DCP2: variants seen among roughly 807,000 people sequenced by gnomAD.
DCP2 encodes m7GpppN-mRNA hydrolase.
DCP2 carries 30 observed loss-of-function variants against 56.1 expected under a neutral mutation model. The observed-to-expected ratio is 0.53, with a 90% CI of 0.40 to 0.73. DCP2 has a LOEUF of 0.73. Ranked by LOEUF, DCP2 falls within the 30% of genes least tolerant of loss-of-function variation. The probability of loss-of-function intolerance (pLI) is 0.00; values close to 1 mark genes in which losing one functional copy is unlikely to be tolerated. For missense variants in DCP2, 533 were observed against 502.7 expected, an observed-to-expected ratio of 1.06 and a Z score of -0.58; for synonymous variants, 197 against 163.3, an observed-to-expected ratio of 1.21 and a Z score of -1.57.
rs1471699184 is a variant in DCP2 at position 112,985,688 on chromosome 5, T to G, written c.54-147T>G. 3.9e-6 allele frequency: 3 copies of G among 766,146 alleles called. No individual in the cohort carries two copies. The East Asian group carries it at 8.0e-5, about 21-fold the overall frequency. 47.5% of individuals were successfully genotyped at this position (766,146 alleles called of 1,614,324 possible). ...TAAGACTCATCTTCCCTATAGTATTTCTCTCAAATATTAATTGCTTCCTTG... is the reference window on the plus strand; with the variant it reads ...TAAGACTCATCTTCCCTATAGTATTGCTCTCAAATATTAATTGCTTCCTTG... On this transcript the variant is annotated intron_variant, in intron 1 of 10. Transcript: ENST00000389063.
chr5:113,003,681 AATT>A (rs1387260388), intron 7 of DCP2, among the ~76,000 whole-genome samples: 1 of 150,326 alleles, frequency 6.7e-6, no homozygotes, highest in Admixed American at 6.6e-5. Context: ...TGGCCTGGAT[AATT>A]TTTTTAAGTC....
rs547807755 is a variant in DCP2, at chr5:112,980,879, A to G, written c.53+3893A>G. On this transcript the variant is annotated intron_variant, in intron 1 of 10. Transcript: ENST00000389063. ...CTTGTGCCAGTTTCTTGTTTTATCA[A>G]CTTTCTATATTGAATTGAGGATTTG... Among the ~76,000 whole-genome samples the G allele has an allele frequency of 2.8e-4, 43 of 151,928 alleles. 1 individual carries two copies. The South Asian group carries it at 8.3e-3, about 29-fold the overall frequency.
rs766899009 is a variant in DCP2, at chr5:113,013,498, A to T, written c.*14A>T. The T allele has an allele frequency of 1.2e-6, 2 of 1,613,428 alleles. No homozygotes were observed. The highest frequency in any genetic ancestry group is 3.3e-5 in the Admixed American group (2 of 59,980). ...TTGGACCTTTGATAGCAGCACATGT[A>T]TTGTAAATGTCCCAGGATCAGAGAC... On this transcript the variant is annotated 3_prime_UTR_variant, in exon 11 of 11. Transcript: ENST00000389063.
At chr5:112,997,206 G>A (rs895234293) in intron 4 of DCP2, among the ~76,000 whole-genome samples, 1 of 152,156 alleles carries the variant, frequency 6.6e-6, no homozygotes, top group Non-Finnish European at 1.5e-5. Context: ...GGTCTGTTGG[G>A]GCCTAGTGTG....
intron 1 of DCP2, among the ~76,000 whole-genome samples, chr5:112,981,244 A>C (rs550566879): frequency 1.3e-4 from 20 of 152,162 alleles, no homozygotes; most frequent in Non-Finnish European, 1.6e-4. Context: ...TTGTAGCCTC[A>C]AGCAATCCTC....
chr5:113,003,776 T>G (rs150012519), intron 7 of DCP2, among the ~76,000 whole-genome samples, 166 bp from the exon 8 acceptor site: 1 of 152,342 alleles, frequency 6.6e-6, no homozygotes, highest in Non-Finnish European at 1.5e-5. Context: ...GTGATGAGGA[T>G]AAAGCAGTGC....
intron 4 of DCP2, among the ~76,000 whole-genome samples, chr5:112,999,363 T>C: frequency 6.6e-6 from 1 of 152,110 alleles, no homozygotes; most frequent in African/African-American, 2.4e-5. Context: ...GTTTCGCTCT[T>C]GTTGCCCAGG....
rs1750012865 is a variant in DCP2, at chr5:113,019,275, TAGAA to T, written c.*5795_*5798del. ...AAGGTTCTCAACTGTGAATGAAATT[TAGAA>T]AGATAATTCTTCAGCAGTTGGTTGA... On this transcript the variant is annotated 3_prime_UTR_variant, in exon 11 of 11. Transcript: ENST00000389063. 1 of 152,236 alleles carries T rather than the reference TAGAA, an allele frequency of 6.6e-6. No individual in the cohort carries two copies. The highest frequency in any genetic ancestry group is 1.5e-5 in the Non-Finnish European group (1 of 68,046). The allele number at this position is 152,236 out of a possible 1,614,324, so 9.4% of individuals were successfully genotyped here.
chr5:112,986,895 C>T (rs1270922574), intron 2 of DCP2, among the ~76,000 whole-genome samples: 5 of 152,164 alleles, frequency 3.3e-5, no homozygotes, highest in Admixed American at 2.0e-4. Flanking sequence ...CCCATCTGCT[C>T]GGGAGGCTGA....
At chr5:112,981,821 G>C (rs1392500047) in intron 1 of DCP2, among the ~76,000 whole-genome samples, 1 of 152,156 alleles carries the variant, frequency 6.6e-6, no homozygotes, top group Non-Finnish European at 1.5e-5. Flanking sequence ...GCCCAGGCTG[G>C]AGGCAATGAT....
At chr5:112,986,826 C>A (rs1379216304) in intron 2 of DCP2, among the ~76,000 whole-genome samples, 1 of 152,028 alleles carries the variant, frequency 6.6e-6, no homozygotes, top group Admixed American at 6.6e-5. Flanking sequence ...ATGGCGAAAC[C>A]TCATCTCTAC....
chr5:113,008,937 G>A (rs1012440817), intron 9 of DCP2, among the ~76,000 whole-genome samples: 2 of 151,476 alleles, frequency 1.3e-5, no homozygotes, highest in Admixed American at 6.6e-5. Context: ...TCCACTTCCC[G>A]GGTTCAAGTG....
intron 4 of DCP2, among the ~76,000 whole-genome samples, chr5:113,000,399 T>TACACACACAC (rs758225763): frequency 8.1e-5 from 10 of 123,590 alleles, no homozygotes; most frequent in African/African-American, 1.8e-4. Flanking sequence ...ACTTGTCTAA[T>TACACACACAC]ACACACACAC....
intron 1 of DCP2, among the ~76,000 whole-genome samples, chr5:112,979,489 G>A (rs574313786): frequency 2.0e-5 from 3 of 152,022 alleles, no homozygotes; most frequent in South Asian, 2.1e-4. Context: ...TTTTATGTAC[G>A]TCTTGATTTA....
chr5:113,009,237 T>A (rs1007884167), intron 9 of DCP2, among the ~76,000 whole-genome samples: 1 of 152,234 alleles, frequency 6.6e-6, no homozygotes, highest in Admixed American at 6.5e-5. Flanking sequence ...TCTTTGTAGA[T>A]TTTTTGGGAG....
chr5:112,996,750 C>T (rs143370815), intron 4 of DCP2, among the ~76,000 whole-genome samples: 1 of 152,126 alleles, frequency 6.6e-6, no homozygotes, highest in Non-Finnish European at 1.5e-5. Flanking sequence ...AATTTCCAAT[C>T]TTCTATTTGA....
intron 10 of DCP2, 55 bp from the exon 11 acceptor site, chr5:113,013,252 GGCAAAGGGCAGTAT>G: frequency 6.7e-7 from 1 of 1,490,530 alleles, no homozygotes; most frequent in Non-Finnish European, 9.0e-7. Context: ...TGTAACAAAA[GGCAAAGGGCAGTAT>G]TTGATTTCTT....
intron 8 of DCP2, among the ~76,000 whole-genome samples, chr5:113,006,000 C>T (rs1285330439): frequency 2.0e-5 from 3 of 151,712 alleles, no homozygotes; most frequent in African/African-American, 7.3e-5. Context: ...GTGGTGCACA[C>T]CTGTAGTTCC....
intron 1 of DCP2, among the ~76,000 whole-genome samples, chr5:112,978,447 G>C (rs1490373766): frequency 6.6e-6 from 1 of 152,150 alleles, no homozygotes. Context: ...ACAAAATCAA[G>C]ATTTCACACC....
Sources: allele counts gnomAD v4.1 joint callset (sites outside exome capture counted in the v4.1 genomes callset), GRCh38; gene constraint gnomAD v4.1.1; transcripts MANE v1.5; gene names NCBI Gene and HGNC (gene_info 2026-07-23, HGNC 2026-07-21).